The following SULT2B1 variants were observed in gnomAD, a reference collection of about 807,000 sequenced individuals.
SULT2B1 encodes sulfotransferase family 2B member 1.
SULT2B1 carries 16 observed loss-of-function variants against 33.2 expected under a neutral mutation model. The ratio of observed to expected loss-of-function variants is 0.48; its 90% CI spans 0.33 to 0.73. The LOEUF (loss-of-function observed/expected upper bound fraction) is 0.73, where lower values mean the gene tolerates loss of function less well. Among genes scored for constraint, SULT2B1 ranks in the 30% least tolerant of loss-of-function variants. The probability of loss-of-function intolerance (pLI) is 0.02; values close to 1 mark genes in which losing one functional copy is unlikely to be tolerated. For missense variants in SULT2B1, 500 were observed against 506.0 expected (o/e 0.99, Z 0.11); for synonymous variants, 186 against 200.5 (o/e 0.93, Z 0.61).
At chr19:48,598,439 A>T (rs1568415830) in intron 6 of SULT2B1, among the ~76,000 whole-genome samples, 1 of 152,120 alleles carries the variant, frequency 6.6e-6, no homozygotes, top group Non-Finnish European at 1.5e-5. Context: ...TAAAAATATA[A>T]AAATTAGCCG....
At chr19:48,561,132 C>G (rs2081700813) in intron 1 of SULT2B1, among the ~76,000 whole-genome samples, 1 of 149,112 alleles carries the variant, frequency 6.7e-6, no homozygotes, top group Admixed American at 6.7e-5. Context: ...GATCTTGTCT[C>G]AAAAAAATAA....
chr19:48,597,398 C>T (rs1036888276), intron 6 of SULT2B1, among the ~76,000 whole-genome samples: 2 of 144,822 alleles, frequency 1.4e-5, no homozygotes, highest in Non-Finnish European at 3.0e-5. Flanking sequence ...CTGGAGGTTG[C>T]AGTGGCGCGA....
At chr19:48,580,400 C>G (rs772324477) in intron 2 of SULT2B1, among the ~76,000 whole-genome samples, 14 of 151,950 alleles carry the variant, frequency 9.2e-5, no homozygotes, top group Non-Finnish European at 1.8e-4. Context: ...GCTGGGACCA[C>G]AGACATGCAC....
intron 1 of SULT2B1, among the ~76,000 whole-genome samples, chr19:48,553,038 G>A (rs1973049681): frequency 6.6e-6 from 1 of 152,148 alleles, no homozygotes; most frequent in South Asian, 2.1e-4. Context: ...CAGAGCCTGT[G>A]GTTTCTCCTG....
intron 1 of SULT2B1, among the ~76,000 whole-genome samples, chr19:48,569,660 G>A (rs1025126679): frequency 2.0e-5 from 3 of 150,918 alleles, no homozygotes. Context: ...CACCATGCCT[G>A]GCCTCAAGAT....
At chr19:48,596,587 A>C in intron 5 of SULT2B1, 152 bp from the exon 6 acceptor site, 1 of 794,950 alleles carries the variant, frequency 1.3e-6, no homozygotes. Context: ...GATATAGCCC[A>C]ACCCCTCAGT....
chr19:48,564,840 CA>C (rs1332839238), intron 1 of SULT2B1, among the ~76,000 whole-genome samples: 1 of 151,910 alleles, frequency 6.6e-6, no homozygotes, highest in Non-Finnish European at 1.5e-5. Context: ...GCCCAGGCTA[CA>C]GTGCAATGGC....
rs964959239 is a variant in SULT2B1 at position 48,564,623 on chromosome 19, T to A, written c.72-11318T>A. On this transcript the variant is annotated intron_variant, in intron 1 of 6. Transcript: ENST00000201586. ...CAAGAACAATGGAAAGATTACCCCA[T>A]GAACACCCCTATGCCCACCACCACT... 2.7e-5 allele frequency among the ~76,000 whole-genome samples: 4 copies of A among 149,466 alleles called. No homozygotes were observed. The East Asian group carries it at 7.8e-4, about 29-fold the overall frequency.
intron 1 of SULT2B1, among the ~76,000 whole-genome samples, chr19:48,564,778 A>G (rs1973224765): frequency 6.6e-6 from 1 of 151,670 alleles, no homozygotes; most frequent in African/African-American, 2.4e-5. Flanking sequence ...CCATCTATCA[A>G]TCCTTCTGGG....
At position 48,585,800 on chromosome 19, in the gene SULT2B1, G is replaced by A. The variant is rs369170378; in HGVS notation, c.215-1429G>A. Among the ~76,000 whole-genome samples the A allele has an allele frequency of 5.3e-5, 8 of 152,228 alleles. No homozygotes were observed. In the East Asian group the frequency reaches 7.7e-4, roughly 15 times the overall value. ...CATATGTAACTAACCTGCACGTTGTGCACATGTACCCTAAAACTTAAAGTA... is the reference window on the plus strand; with the variant it reads ...CATATGTAACTAACCTGCACGTTGTACACATGTACCCTAAAACTTAAAGTA... On this transcript the variant is annotated intron_variant, in intron 2 of 6. Transcript: ENST00000201586.
At chr19:48,595,030 C>A (rs991681055) in intron 5 of SULT2B1, among the ~76,000 whole-genome samples, 2 of 151,864 alleles carry the variant, frequency 1.3e-5, no homozygotes, top group African/African-American at 4.8e-5. Context: ...TCATTGTAAT[C>A]CCAGCACTTT....
At chr19:48,568,913 G>A (rs1973280401) in intron 1 of SULT2B1, among the ~76,000 whole-genome samples, 1 of 152,016 alleles carries the variant, frequency 6.6e-6, no homozygotes, top group African/African-American at 2.4e-5. Flanking sequence ...TCTTCCTTCT[G>A]GTCCCCACAC....
intron 1 of SULT2B1, among the ~76,000 whole-genome samples, chr19:48,569,361 AACATATATATATATATATAT>A (rs1300465121): frequency 2.0e-4 from 2 of 9,962 alleles, no homozygotes; most frequent in African/African-American, 9.7e-4. Context: ...AAAAAAAAAA[AACATATATATATATATATAT>A]ATATATATAT....
rs926281315 is a variant in SULT2B1 at position 48,599,008 on chromosome 19, C to T, written c.827-127C>T. The T allele has an allele frequency of 1.2e-5, 17 of 1,446,858 alleles. No individual in the cohort carries two copies. The highest frequency in any genetic ancestry group is 2.5e-5 in the East Asian group (1 of 40,388). The allele number at this position is 1,446,858 out of a possible 1,614,324, so 89.6% of individuals were successfully genotyped here. A position where few individuals can be genotyped will look rare whatever the true frequency, so the allele number is the denominator to read the frequency against. ...GGGGCAATGTGGAGGGTAGGGAGGA[C>T]GGTGTTTCTGGCAAAGGGAACACCT... On this transcript the variant is annotated intron_variant, in intron 6 of 6. Transcript: ENST00000201586. The surrounding 1 kb of genome is among the most constrained non-coding windows in gnomAD (Gnocchi z 4.1).
chr19:48,569,377 T>C (rs1378519351), intron 1 of SULT2B1, among the ~76,000 whole-genome samples: 3 of 15,496 alleles, frequency 1.9e-4, no homozygotes, highest in Admixed American at 7.6e-4. Flanking sequence ...TATATATATA[T>C]ATATATATAT....
intron 1 of SULT2B1, among the ~76,000 whole-genome samples, chr19:48,568,689 C>G (rs886836907): frequency 6.6e-6 from 1 of 152,152 alleles, no homozygotes; most frequent in Non-Finnish European, 1.5e-5. Context: ...CCAGCTCAGG[C>G]TGGTGGTGGG....
At chr19:48,587,926 C>T (rs1263366416) in intron 3 of SULT2B1, among the ~76,000 whole-genome samples, 5 of 127,648 alleles carry the variant, frequency 3.9e-5, no homozygotes, top group South Asian at 5.2e-4. Context: ...AAAAAAAAGC[C>T]GGTGCTGGCA....
intron 2 of SULT2B1, among the ~76,000 whole-genome samples, chr19:48,580,515 C>T (rs1973472595): frequency 6.6e-6 from 1 of 152,178 alleles, no homozygotes; most frequent in Non-Finnish European, 1.5e-5. Context: ...CCACCTCAGC[C>T]TCCCAAAGTG....
At chr19:48,597,334 ACT>A in intron 6 of SULT2B1, among the ~76,000 whole-genome samples, 1 of 105,928 alleles carries the variant, frequency 9.4e-6, no homozygotes, top group Non-Finnish European at 1.8e-5. Flanking sequence ...AAACACGTTT[ACT>A]CTTTTTTTTT....
Sources: allele counts gnomAD v4.1 joint callset (sites outside exome capture counted in the v4.1 genomes callset), GRCh38; gene constraint gnomAD v4.1.1; non-coding constraint Gnocchi (gnomAD v3.1); transcripts MANE v1.5; gene names NCBI Gene and HGNC (gene_info 2026-07-23, HGNC 2026-07-21).